ZNF804A: variants seen among roughly 807,000 people sequenced by gnomAD.
ZNF804A encodes zinc finger protein 804A.
ZNF804A carries 2 observed loss-of-function variants against 16.5 expected under a neutral mutation model. The observed-to-expected ratio is 0.12, with a 90% confidence interval of 0.05 to 0.38. The LOEUF (loss-of-function observed/expected upper bound fraction) is 0.38, where lower values mean the gene tolerates loss of function less well. ZNF804A is among the 10% of genes least tolerant of loss of function. The pLI is 0.99. For missense variants in ZNF804A, 1,473 were observed against 1,390.7 expected, an observed-to-expected ratio of 1.06 and a Z score of -0.94; for synonymous variants, 534 against 489.6, an observed-to-expected ratio of 1.09 and a Z score of -1.20.
rs193206626 is a variant in ZNF804A, at chr2:184,745,462, A to G, written c.112-120907A>G. On this transcript the variant is annotated intron_variant, in intron 1 of 3. Transcript: ENST00000302277. ...ACTATCTACTTATGTTAGTATTCCT[A>G]TTTAAATCAACGTTTTACTGATGCG... 2.0e-5 allele frequency among the ~76,000 whole-genome samples: 3 copies of G among 151,798 alleles called. No individual in the cohort carries two copies. In the Admixed American group the frequency reaches 2.0e-4, roughly 10 times the overall value.
intron 1 of ZNF804A, among the ~76,000 whole-genome samples, chr2:184,769,719 C>T (rs1178005979): frequency 6.6e-6 from 1 of 151,756 alleles, no homozygotes; most frequent in African/African-American, 2.4e-5. Context: ...CCATGATAGC[C>T]CAGAGATATG....
At chr2:184,640,173 A>G (rs181119835) in intron 1 of ZNF804A, among the ~76,000 whole-genome samples, 3 of 152,084 alleles carry the variant, frequency 2.0e-5, no homozygotes, top group Admixed American at 6.6e-5. Flanking sequence ...CATTTTTACC[A>G]AAGAAAAAAA....
At chr2:184,738,915 T>C (rs978980369) in intron 1 of ZNF804A, among the ~76,000 whole-genome samples, 6 of 152,220 alleles carry the variant, frequency 3.9e-5, no homozygotes, top group Admixed American at 1.3e-4. Flanking sequence ...TGAATTAAAA[T>C]TCAATTGACA....
intron 1 of ZNF804A, among the ~76,000 whole-genome samples, chr2:184,710,200 T>C (rs2105736182): frequency 6.6e-6 from 1 of 151,730 alleles, no homozygotes; most frequent in South Asian, 2.1e-4. Flanking sequence ...TACAAAATTG[T>C]GTAAGTTTTG....
chr2:184,632,521 G>A (rs1440564551), intron 1 of ZNF804A, among the ~76,000 whole-genome samples: 1 of 152,120 alleles, frequency 6.6e-6, no homozygotes, highest in Non-Finnish European at 1.5e-5. Context: ...TCAGCCTCCT[G>A]AGTATCTGGG....
chr2:184,733,380 A>G (rs1010091792), intron 1 of ZNF804A, among the ~76,000 whole-genome samples: 5 of 152,116 alleles, frequency 3.3e-5, no homozygotes, highest in Admixed American at 6.6e-5. Context: ...GATAAATTAC[A>G]CTTAGTTGTG....
At chr2:184,910,903 T>C (rs1016409306) in intron 2 of ZNF804A, among the ~76,000 whole-genome samples, 1 of 152,024 alleles carries the variant, frequency 6.6e-6, no homozygotes. Flanking sequence ...AATTTGTAAA[T>C]ATTTTCTCCC....
intron 2 of ZNF804A, among the ~76,000 whole-genome samples, chr2:184,925,712 T>C (rs528251964): frequency 6.6e-6 from 1 of 152,056 alleles, no homozygotes; most frequent in Non-Finnish European, 1.5e-5. Context: ...GTTTTAATTG[T>C]ATATTTTTAA....
At chr2:184,750,155 T>G (rs974571890) in intron 1 of ZNF804A, among the ~76,000 whole-genome samples, 1 of 151,332 alleles carries the variant, frequency 6.6e-6, no homozygotes, top group Non-Finnish European at 1.5e-5. Flanking sequence ...TATTTTAAAT[T>G]TATTGAGGAG....
intron 1 of ZNF804A, among the ~76,000 whole-genome samples, chr2:184,726,176 G>A (rs1489731510): frequency 6.6e-6 from 1 of 151,642 alleles, no homozygotes; most frequent in Admixed American, 6.6e-5. Flanking sequence ...TAGATTGTAT[G>A]CTATGCGTAT....
chr2:184,775,336 A>G (rs184272408), intron 1 of ZNF804A, among the ~76,000 whole-genome samples: 10 of 151,886 alleles, frequency 6.6e-5, no homozygotes, highest in African/African-American at 2.4e-4. Flanking sequence ...CAATGATATG[A>G]AACCACAATA....
intron 1 of ZNF804A, among the ~76,000 whole-genome samples, chr2:184,678,365 A>G (rs1692475385): frequency 6.6e-6 from 1 of 152,116 alleles, no homozygotes; most frequent in Admixed American, 6.6e-5. Context: ...AATTAAGTTT[A>G]ATATAGGAAT....
intron 1 of ZNF804A, among the ~76,000 whole-genome samples, chr2:184,621,698 A>G (rs866741748): frequency 2.4e-4 from 36 of 151,848 alleles, no homozygotes; most frequent in Middle Eastern, 6.8e-3. Flanking sequence ...GTGTAGTATA[A>G]TTTACTGGCA....
intron 1 of ZNF804A, among the ~76,000 whole-genome samples, chr2:184,807,961 A>C (rs1413881530): frequency 6.6e-6 from 1 of 151,658 alleles, no homozygotes; most frequent in Non-Finnish European, 1.5e-5. Flanking sequence ...CTGAACCGTA[A>C]TCATACTATA....
At chr2:184,638,609 T>G (rs1181464161) in intron 1 of ZNF804A, among the ~76,000 whole-genome samples, 1 of 152,226 alleles carries the variant, frequency 6.6e-6, no homozygotes, top group East Asian at 1.9e-4. Flanking sequence ...TACATTTGGC[T>G]GCAATGTATA....
chr2:184,876,981 C>T (rs1249652529), intron 2 of ZNF804A, among the ~76,000 whole-genome samples: 2 of 151,944 alleles, frequency 1.3e-5, no homozygotes, highest in African/African-American at 4.8e-5. Flanking sequence ...AGTCCTACCA[C>T]GTTGAGTTTT....
Position 184,933,460 on chromosome 2 carries a change from A to G in ZNF804A, c.256-143A>G, listed in dbSNP as rs75947280. On this transcript the variant is annotated intron_variant, in intron 2 of 3. Coordinates refer to ENST00000302277, the MANE Select transcript of ZNF804A (RefSeq NM_194250.2). ...CAAAATGCGAGAAAATATTTTTGTT[A>G]GAAGTGGATTGTCATGAATGTTGTG... 0.019 allele frequency: 12,194 copies of G among 649,400 alleles called. 1,236 individuals are homozygous for G. In the African/African-American group the frequency reaches 0.21, roughly 11 times the overall value. The allele number at this position is 649,400 out of a possible 1,614,324, so 40.2% of individuals were successfully genotyped here. A position where few individuals can be genotyped will look rare whatever the true frequency, so the allele number is the denominator to read the frequency against.
Position 184,757,794 on chromosome 2 carries a change from G to T in ZNF804A, c.112-108575G>T, listed in dbSNP as rs184621744. Among the ~76,000 whole-genome samples, 6 of 151,706 alleles carry T rather than the reference G, an allele frequency of 4.0e-5. No individual in the cohort carries two copies. In the East Asian group the frequency reaches 1.2e-3, roughly 30 times the overall value. Reference sequence around the variant, plus strand: ...GAGATTCAAAGTGATTATGTGTAGGGGTGTGAAAACAAACAAAACAATAAA... The same window carrying T: ...GAGATTCAAAGTGATTATGTGTAGGTGTGTGAAAACAAACAAAACAATAAA... On this transcript the variant is annotated intron_variant, in intron 1 of 3. Coordinates refer to ENST00000302277, the MANE Select transcript of ZNF804A (RefSeq NM_194250.2).
Position 184,726,183 on chromosome 2 carries a change from G to A in ZNF804A, c.111+127113G>A, listed in dbSNP as rs147461786. Among the ~76,000 whole-genome samples, 5 of 151,672 alleles carry A rather than the reference G, an allele frequency of 3.3e-5. No homozygotes were observed. The East Asian group carries it at 7.7e-4, about 23-fold the overall frequency. Reference sequence around the variant, plus strand: ...GCAATTGCTAGATTGTATGCTATGCGTATTTCTAGAGTTTTAAGAATCTTC... The same window carrying A: ...GCAATTGCTAGATTGTATGCTATGCATATTTCTAGAGTTTTAAGAATCTTC... On this transcript the variant is annotated intron_variant, in intron 1 of 3. Transcript: ENST00000302277.
Sources: gnomAD v4.1 joint callset for allele counts (sites outside exome capture counted in the v4.1 genomes callset) on GRCh38, gnomAD v4.1.1 for gene constraint, MANE v1.5 for transcripts, NCBI Gene and HGNC (gene_info 2026-07-23, HGNC 2026-07-21) for gene names.